Variants in SMYD3 observed in about 807,000 individuals in gnomAD.
SMYD3 encodes the protein histone-lysine N-methyltransferase SMYD3.
Under a neutral mutation model 57.7 loss-of-function variants are expected in SMYD3, and 36 were observed. The ratio of observed to expected loss-of-function variants is 0.62; its 90% CI spans 0.48 to 0.82. The LOEUF is 0.82. Among genes scored for constraint, SMYD3 ranks in the 40% least tolerant of loss-of-function variants. The pLI is 0.00. For missense variants in SMYD3, 515 were observed against 538.8 expected, an observed-to-expected ratio of 0.96 and a Z score of 0.44; for synonymous variants, 211 against 195.0, an observed-to-expected ratio of 1.08 and a Z score of -0.68.
chr1:246,361,286 T>C (rs1234074208), intron 1 of SMYD3, among the ~76,000 whole-genome samples: 1 of 151,794 alleles, frequency 6.6e-6, no homozygotes, highest in Non-Finnish European at 1.5e-5. Flanking sequence ...AATCAAAAAA[T>C]CAAAAAAATA....
At chr1:246,492,697 T>G (rs540465456) in intron 1 of SMYD3, among the ~76,000 whole-genome samples, 21 of 152,336 alleles carry the variant, frequency 1.4e-4, no homozygotes, top group African/African-American at 5.1e-4. Context: ...TCTATGATCC[T>G]CTGAGGATGC....
chr1:246,204,869 C>A (rs1050464929), intron 5 of SMYD3, among the ~76,000 whole-genome samples: 1 of 152,190 alleles, frequency 6.6e-6, no homozygotes. Context: ...ACTCTTCAGG[C>A]CTTGACTCAG....
At chr1:246,101,071 G>GTTTTTTT (rs754724096) in intron 5 of SMYD3, among the ~76,000 whole-genome samples, 36 of 54,080 alleles carry the variant, frequency 6.7e-4, no homozygotes, top group East Asian at 2.7e-3. Flanking sequence ...GGGGTTTTTT[G>GTTTTTTT]TTTTTTTTTT....
At chr1:246,349,529 A>T (rs1173632567) in intron 2 of SMYD3, among the ~76,000 whole-genome samples, 1 of 151,968 alleles carries the variant, frequency 6.6e-6, no homozygotes. Flanking sequence ...GATGAGTTGA[A>T]CTGAGGAGGT....
chr1:245,751,829 G>A (rs2045392927), intron 11 of SMYD3, among the ~76,000 whole-genome samples: 1 of 152,204 alleles, frequency 6.6e-6, no homozygotes, highest in South Asian at 2.1e-4. Flanking sequence ...TCTGCTCTGT[G>A]GGTGCACAGC....
intron 5 of SMYD3, among the ~76,000 whole-genome samples, chr1:246,059,060 T>A (rs981583377): frequency 6.6e-6 from 1 of 152,110 alleles, no homozygotes; most frequent in Non-Finnish European, 1.5e-5. Flanking sequence ...GTATTTTTAG[T>A]AGAGACAGGG....
At chr1:246,364,744 C>G (rs1189407401) in intron 1 of SMYD3, among the ~76,000 whole-genome samples, 3 of 152,092 alleles carry the variant, frequency 2.0e-5, no homozygotes, top group African/African-American at 7.2e-5. Context: ...TCCATCCACC[C>G]CCAAGTGCAG....
At chr1:246,090,249 C>T (rs1387575641) in intron 5 of SMYD3, among the ~76,000 whole-genome samples, 1 of 152,096 alleles carries the variant, frequency 6.6e-6, no homozygotes, top group East Asian at 1.9e-4. Context: ...CATACATAAT[C>T]CTTGCATAAG....
rs142248678 is a variant in SMYD3, at chr1:246,099,295, T to C, written c.532-169358A>G. 2.6e-5 allele frequency among the ~76,000 whole-genome samples: 4 copies of C among 152,294 alleles called. No homozygotes were observed. In the East Asian group the frequency reaches 7.7e-4, roughly 29 times the overall value. ...GGGACAGCAAAATTTGACCATTCTATCTACCCATCTGCTTCTCTGTGGCAA... is the reference window on the plus strand; with the variant it reads ...GGGACAGCAAAATTTGACCATTCTACCTACCCATCTGCTTCTCTGTGGCAA... On this transcript the variant is annotated intron_variant, in intron 5 of 11. Transcript: ENST00000490107.
chr1:246,245,120 CTTTTTTT>C lies in SMYD3; in HGVS notation c.531+82074_531+82080del, dbSNP rs74163421. Among the ~76,000 whole-genome samples the C allele has an allele frequency of 3.7e-4, 45 of 122,948 alleles. No individual in the cohort carries two copies. In the South Asian group the frequency reaches 8.4e-3, roughly 23 times the overall value. The allele number at this position is 122,948 out of a possible 152,430, so 80.7% of individuals were successfully genotyped here. A position where few individuals can be genotyped will look rare whatever the true frequency, so the allele number is the denominator to read the frequency against. On this transcript the variant is annotated intron_variant, in intron 5 of 11. Coordinates refer to ENST00000490107, the MANE Select transcript of SMYD3 (RefSeq NM_001167740.2). ...CCTAAAAGAATTCAGCAGCTACTGCCTTTTTTTTTTTTTTTTTTTTTAGTTTTATTTC... is the reference window on the plus strand; with the variant it reads ...CCTAAAAGAATTCAGCAGCTACTGCCTTTTTTTTTTTTTTAGTTTTATTTC...
intron 5 of SMYD3, among the ~76,000 whole-genome samples, chr1:246,012,693 TCATTTCCCTTGAGGAAACAGCAA>T (rs1258595069): frequency 6.6e-6 from 1 of 152,164 alleles, no homozygotes; most frequent in Non-Finnish European, 1.5e-5. Context: ...TGCACAGGCA[TCATTTCCCTTGAGGAAACAGCAA>T]AGCAGGGAAA....
intron 1 of SMYD3, among the ~76,000 whole-genome samples, chr1:246,394,640 C>T (rs899316719): frequency 6.6e-6 from 1 of 152,204 alleles, no homozygotes; most frequent in Non-Finnish European, 1.5e-5. Flanking sequence ...CAATCAACTC[C>T]CAAACTTAGC....
At chr1:246,491,553 A>G (rs1343751555) in intron 1 of SMYD3, among the ~76,000 whole-genome samples, 1 of 150,398 alleles carries the variant, frequency 6.6e-6, no homozygotes, top group Non-Finnish European at 1.5e-5. Flanking sequence ...ATAAAAAAAA[A>G]AAAAAAAGAG....
At chr1:246,101,000 A>G (rs377674039) in intron 5 of SMYD3, among the ~76,000 whole-genome samples, 1 of 151,414 alleles carries the variant, frequency 6.6e-6, no homozygotes, top group East Asian at 1.9e-4. Context: ...TATCTTCCAG[A>G]AACTAGATAA....
At chr1:246,163,413 T>A (rs1382394987) in intron 5 of SMYD3, among the ~76,000 whole-genome samples, 4 of 152,236 alleles carry the variant, frequency 2.6e-5, no homozygotes, top group African/African-American at 9.6e-5. Flanking sequence ...AGTTCTACTT[T>A]AATTTTATAG....
At chr1:246,291,509 C>T (rs1168938786) in intron 5 of SMYD3, among the ~76,000 whole-genome samples, 1 of 152,146 alleles carries the variant, frequency 6.6e-6, no homozygotes, top group Non-Finnish European at 1.5e-5. Context: ...CTACATTACA[C>T]ATTCATACAT....
At chr1:246,313,887 G>T (rs1384381344) in intron 5 of SMYD3, among the ~76,000 whole-genome samples, 2 of 152,078 alleles carry the variant, frequency 1.3e-5, no homozygotes, top group South Asian at 4.1e-4. Context: ...CCCAATAATG[G>T]CTTGAAAATG....
rs185331752 is a variant in SMYD3 at position 246,243,604 on chromosome 1, T to C, written c.531+83597A>G. Among the ~76,000 whole-genome samples, 27 of 152,068 alleles carry C rather than the reference T, an allele frequency of 1.8e-4. 1 individual carries two copies. Among genetic ancestry groups the C allele is most frequent in the Non-Finnish European group, 8.8e-5 (6 of 67,986 alleles). The stretch of plus-strand genomic sequence containing the variant: ...AATTATCCATTAATCAGTTATACTG[T>C]ACATTATATATATGAATATTCTGGG... On this transcript the variant is annotated intron_variant, in intron 5 of 11. Coordinates refer to ENST00000490107, the MANE Select transcript of SMYD3 (RefSeq NM_001167740.2).
intron 8 of SMYD3, among the ~76,000 whole-genome samples, chr1:245,893,528 TG>T (rs2053529132): frequency 6.6e-6 from 1 of 151,994 alleles, no homozygotes; most frequent in Non-Finnish European, 1.5e-5. Flanking sequence ...GCAATAAAAA[TG>T]AACCAACTAT....
Sources: gnomAD v4.1 joint callset for allele counts (sites outside exome capture counted in the v4.1 genomes callset) on GRCh38, gnomAD v4.1.1 for gene constraint, MANE v1.5 for transcripts, NCBI Gene and HGNC (gene_info 2026-07-23, HGNC 2026-07-21) for gene names.